ATAD2: variants seen among roughly 807,000 people sequenced by gnomAD.
The protein encoded by ATAD2 is ATPase family AAA domain containing 2.
Under a neutral mutation model 168.9 loss-of-function variants are expected in ATAD2, and 62 were observed. The observed-to-expected ratio is 0.37, with a 90% CI of 0.30 to 0.45. ATAD2 has a LOEUF of 0.45. Ranked by LOEUF, ATAD2 falls within the 20% of genes least tolerant of loss-of-function variation. The probability of loss-of-function intolerance (pLI) is 1.00; values close to 1 mark genes in which losing one functional copy is unlikely to be tolerated. For synonymous variants in ATAD2, 613 were observed against 571.6 expected, an observed-to-expected ratio of 1.07 and a Z score of -1.03; for missense variants, 1,419 against 1,667.8, an observed-to-expected ratio of 0.85 and a Z score of 2.60.
At chr8:123,414,197 C>A (rs1813206362) in intron 1 of ATAD2, among the ~76,000 whole-genome samples, 1 of 149,746 alleles carries the variant, frequency 6.7e-6, no homozygotes, top group Non-Finnish European at 1.5e-5. Flanking sequence ...ATATTATATG[C>A]TACCAACTAT....
chr8:123,343,104 C>T (rs1451664323), intron 19 of ATAD2, among the ~76,000 whole-genome samples: 1 of 151,980 alleles, frequency 6.6e-6, no homozygotes, highest in African/African-American at 2.4e-5. Flanking sequence ...CCCACCTCAG[C>T]CTCCCGAGTA....
At chr8:123,401,469 A>T in intron 1 of ATAD2, 1 of 1,541,980 alleles carries the variant, frequency 6.5e-7, no homozygotes, top group East Asian at 2.3e-5. Context: ...CCTCCAGGTG[A>T]TTGGGGGGAA....
intron 12 of ATAD2, 81 bp downstream of exon 12, chr8:123,357,481 A>C (rs1272224728): frequency 3.1e-6 from 4 of 1,282,404 alleles, no homozygotes; most frequent in Non-Finnish European, 3.1e-6. Flanking sequence ...AACACTGATT[A>C]AATGTAAGAT....
At position 123,375,996 on chromosome 8, in the gene ATAD2, C is replaced by A. The variant is rs1462275606; in HGVS notation, c.321-3310G>T. ...TGGCGGGCACCTGTAATCCCAGCTACTCGGGAGGCTGAGGCAGAGAACTGC... is the reference window on the plus strand; with the variant it reads ...TGGCGGGCACCTGTAATCCCAGCTAATCGGGAGGCTGAGGCAGAGAACTGC... On this transcript the variant is annotated intron_variant, in intron 2 of 27. Transcript: ENST00000287394. Among the ~76,000 whole-genome samples, 10 of 152,118 alleles carry A rather than the reference C, an allele frequency of 6.6e-5. No individual in the cohort carries two copies. The East Asian group carries it at 1.7e-3, about 26-fold the overall frequency.
intron 1 of ATAD2, among the ~76,000 whole-genome samples, chr8:123,392,523 T>C (rs1026733897): frequency 7.2e-5 from 11 of 151,876 alleles, no homozygotes. Context: ...ACCTACCTCA[T>C]AAGGTTGTAA....
chr8:123,340,795 T>C (rs778482643), intron 19 of ATAD2, among the ~76,000 whole-genome samples: 2 of 152,146 alleles, frequency 1.3e-5, no homozygotes, highest in Non-Finnish European at 2.9e-5. Flanking sequence ...TGTGGGAAGA[T>C]AGAAATGGGG....
chr8:123,367,810 G>C (rs537362397), intron 8 of ATAD2, among the ~76,000 whole-genome samples: 1 of 152,240 alleles, frequency 6.6e-6, no homozygotes, highest in African/African-American at 2.4e-5. Context: ...ACAATGAAAT[G>C]AAAAGACCTA....
intron 8 of ATAD2, 148 bp downstream of exon 8, chr8:123,368,910 A>C (rs1195412884): frequency 6.5e-6 from 2 of 306,186 alleles, no homozygotes; most frequent in Non-Finnish European, 5.9e-6. Flanking sequence ...ACTGGGGATT[A>C]GACTACTAAA....
chr8:123,334,547 C>T (rs1336509548), intron 22 of ATAD2, among the ~76,000 whole-genome samples: 2 of 151,922 alleles, frequency 1.3e-5, no homozygotes, highest in East Asian at 3.9e-4. Flanking sequence ...TTTTACTGCT[C>T]TGTCCTGTTC....
intron 22 of ATAD2, 35 bp downstream of exon 22, chr8:123,336,338 C>T (rs1038122779): frequency 6.5e-7 from 1 of 1,547,990 alleles, no homozygotes; most frequent in African/African-American, 1.4e-5. Context: ...TGCCCCCCAA[C>T]TCAACCCCCT....
At chr8:123,387,984 T>C (rs1040217016) in intron 1 of ATAD2, among the ~76,000 whole-genome samples, 5 of 152,208 alleles carry the variant, frequency 3.3e-5, no homozygotes, top group Non-Finnish European at 7.3e-5. Context: ...TATATTCTAA[T>C]ACATGATATA....
Position 123,333,934 on chromosome 8 carries a change from G to A in ATAD2, c.3422C>T (p.Pro1141Leu). Residue 1141 changes from proline (P) to leucine (L), a missense_variant, in exon 24 of 28, where the codon CCA (proline) becomes CTA (leucine). Pro to Leu is a moderately conservative substitution (Grantham distance 98, BLOSUM62 -3). Coordinates refer to ENST00000287394, the MANE Select transcript of ATAD2 (RefSeq NM_014109.4). ...TGTCTTTAGCTTTTCATTCTGCTCTGGGTCTGATCTTTTATCACCAACAAG... is the reference window on the plus strand; with the variant it reads ...TGTCTTTAGCTTTTCATTCTGCTCTAGGTCTGATCTTTTATCACCAACAAG... Reference protein sequence around the residue: ...STLVGDKRSDPEQNEKLKTPS... With the variant: ...STLVGDKRSDLEQNEKLKTPS... 1 of 1,614,078 alleles carries A rather than the reference G, an allele frequency of 6.2e-7. No individual in the cohort carries two copies. The highest frequency in any genetic ancestry group is 1.1e-5 in the South Asian group (1 of 91,078).
intron 22 of ATAD2, among the ~76,000 whole-genome samples, chr8:123,335,858 A>G (rs1827899617): frequency 6.6e-6 from 1 of 152,142 alleles, no homozygotes; most frequent in Non-Finnish European, 1.5e-5. Flanking sequence ...TATGCACAGA[A>G]AAAGGTCTGA....
intron 8 of ATAD2, among the ~76,000 whole-genome samples, chr8:123,364,742 C>T (rs184890948): frequency 8.1e-4 from 123 of 152,210 alleles, no homozygotes; most frequent in African/African-American, 2.7e-3. Flanking sequence ...ATGATTAAAG[C>T]TCTCAGCAAA....
At chr8:123,398,429 C>A (rs1812954101), upstream of ATAD2, among the ~76,000 whole-genome samples, 1 of 151,982 alleles carries the variant, frequency 6.6e-6, no homozygotes, top group African/African-American at 2.4e-5. Flanking sequence ...TGGGGTCTTA[C>A]CATGCTGGCC....
At chr8:123,349,119 T>C (rs1261364829) in intron 14 of ATAD2, among the ~76,000 whole-genome samples, 166 bp downstream of exon 14, 2 of 152,230 alleles carry the variant, frequency 1.3e-5, no homozygotes, top group Non-Finnish European at 2.9e-5. Context: ...GGCATTATTA[T>C]ATTTAAAGAA....
rs762966205 is a variant in ATAD2, at chr8:123,371,777, T to G, written c.429A>C (p.Glu143Asp). The G allele has an allele frequency of 6.2e-7, 1 of 1,612,974 alleles. No homozygotes were observed. Among genetic ancestry groups the G allele is most frequent in the Non-Finnish European group, 8.5e-7 (1 of 1,179,630 alleles). Residue 143 changes from glutamate to aspartate, a missense_variant, in exon 4 of 28, where the codon GAA becomes GAC. This residue lies in a region of ATAD2 where 419 missense variants were observed against 423.5 expected (regional missense o/e 0.99). Transcript: ENST00000287394. ...CATCACCATTATCTTCATGTAAGTGTTCTGTACTTTGAACGATGTTTCTAG... is the reference window on the plus strand; with the variant it reads ...CATCACCATTATCTTCATGTAAGTGGTCTGTACTTTGAACGATGTTTCTAG... ...LRARNIVQST[E>D]HLHEDNGDVE...
intron 13 of ATAD2, chr8:123,352,712 C>A: frequency 6.8e-6 from 1 of 146,082 alleles, no homozygotes. Context: ...AAGATGTTTT[C>A]TTTTAAAAAA....
rs1283506783 is a variant in ATAD2 at position 123,356,400 on chromosome 8, A to G, written c.1635T>C (p.Asp545=). The G allele has an allele frequency of 6.2e-7, 1 of 1,611,538 alleles. No homozygotes were observed. The highest frequency in any genetic ancestry group is 8.5e-7 in the Non-Finnish European group (1 of 1,178,468). Residue 545 remains aspartate, a synonymous_variant, in exon 13 of 28, where the codon GAT becomes GAC. Transcript: ENST00000287394. Reference sequence around the variant, plus strand: ...CAAGCAAGTTTTACCTGTGAATCTGATCTTGCCTGCTTGACCGTACTGGAG... The same window carrying G: ...CAAGCAAGTTTTACCTGTGAATCTGGTCTTGCCTGCTTGACCGTACTGGAG... ...GLAPVRSSRQ[D]QIHSSIVSTL...
Sources: gnomAD v4.1 joint callset for allele counts (sites outside exome capture counted in the v4.1 genomes callset) on GRCh38, gnomAD v4.1.1 for gene constraint, gnomAD v4.1.1 regional missense constraint, MANE v1.5 for transcripts, NCBI Gene and HGNC (gene_info 2026-07-23, HGNC 2026-07-21) for gene names.